The following CD38 variants were observed in gnomAD, a reference collection of about 807,000 sequenced individuals.
CD38 encodes the protein ADP-ribosyl cyclase/cyclic ADP-ribose hydrolase 1.
A neutral mutation model predicts 36.3 loss-of-function variants in CD38; 31 were observed. The observed-to-expected ratio is 0.85, with a 90% confidence interval of 0.64 to 1.15. The LOEUF (loss-of-function observed/expected upper bound fraction) is 1.15. Among genes scored for constraint, CD38 ranks in the 50% most tolerant of loss-of-function variants. CD38 has a pLI of 0.00. For synonymous variants in CD38, 131 were observed against 135.2 expected (o/e 0.97, Z 0.22); for missense variants, 380 against 371.9 (o/e 1.02, Z -0.18).
At chr4:15,828,919 T>TA (rs778426064) in intron 3 of CD38, among the ~76,000 whole-genome samples, 18 of 152,224 alleles carry the variant, frequency 1.2e-4, no homozygotes, top group Non-Finnish European at 2.5e-4. Flanking sequence ...ATGGGTATAC[T>TA]AATTTACTTT....
intron 7 of CD38, among the ~76,000 whole-genome samples, chr4:15,848,259 T>C (rs1724306434): frequency 6.6e-6 from 1 of 152,172 alleles, no homozygotes; most frequent in Admixed American, 6.5e-5. Context: ...TGACCCTGGA[T>C]TCAACATTCC....
At chr4:15,833,642 A>C (rs1026509239) in intron 3 of CD38, among the ~76,000 whole-genome samples, 17 of 152,186 alleles carry the variant, frequency 1.1e-4, no homozygotes, top group African/African-American at 4.1e-4. Flanking sequence ...TACCTCTAAG[A>C]CCTAAAACTC....
At chr4:15,784,162 A>G (rs769059791) in intron 1 of CD38, among the ~76,000 whole-genome samples, 8 of 152,236 alleles carry the variant, frequency 5.3e-5, no homozygotes, top group Non-Finnish European at 1.2e-4. Context: ...GCTGCGCTAG[A>G]TTCTGCAGGG....
At chr4:15,801,502 G>T (rs1203859202) in intron 1 of CD38, among the ~76,000 whole-genome samples, 3 of 151,938 alleles carry the variant, frequency 2.0e-5, no homozygotes, top group Non-Finnish European at 4.4e-5. Flanking sequence ...AAAGAATTTT[G>T]CAGGCCAGTA....
chr4:15,793,413 G>A (rs1723045385), intron 1 of CD38, among the ~76,000 whole-genome samples: 1 of 151,688 alleles, frequency 6.6e-6, no homozygotes, highest in African/African-American at 2.4e-5. Flanking sequence ...GAAAATCTTA[G>A]TTCTCAATGA....
chr4:15,832,576 T>A (rs1723981510), intron 3 of CD38, among the ~76,000 whole-genome samples: 1 of 152,162 alleles, frequency 6.6e-6, no homozygotes, highest in Admixed American at 6.5e-5. Flanking sequence ...CAGAGATTCT[T>A]TTTCTAGTCC....
intron 1 of CD38, among the ~76,000 whole-genome samples, chr4:15,791,191 G>A (rs1336354702): frequency 1.4e-4 from 12 of 88,292 alleles, no homozygotes; most frequent in Non-Finnish European, 2.3e-4. Context: ...TCAGCCCCCC[G>A]CCCGGCCAGC....
intron 1 of CD38, among the ~76,000 whole-genome samples, chr4:15,798,618 G>A (rs1560309550): frequency 1.3e-5 from 2 of 152,238 alleles, no homozygotes; most frequent in Non-Finnish European, 2.9e-5. Flanking sequence ...ATCTTCTGGA[G>A]AGTACGGAAC....
chr4:15,809,653 C>A (rs3775953), intron 1 of CD38, among the ~76,000 whole-genome samples: 66,894 of 151,896 alleles, frequency 0.44, 17,093 homozygotes, highest in African/African-American at 0.72. Context: ...AGCAAATCAC[C>A]GGCACAGAAT....
At chr4:15,798,710 G>A (rs1171098442) in intron 1 of CD38, among the ~76,000 whole-genome samples, 1 of 152,192 alleles carries the variant, frequency 6.6e-6, no homozygotes, top group Non-Finnish European at 1.5e-5. Context: ...TTGGTGTAAA[G>A]TCCTCATTGC....
chr4:15,794,825 A>G (rs1352579131), intron 1 of CD38, among the ~76,000 whole-genome samples: 1 of 152,220 alleles, frequency 6.6e-6, no homozygotes, highest in Non-Finnish European at 1.5e-5. Flanking sequence ...GCACAATTTC[A>G]TTACATTATA....
In CD38 at chr4:15,808,124, G is replaced by A. The variant is rs142674119; in HGVS notation, c.234-8387G>A. 4.5e-3 allele frequency among the ~76,000 whole-genome samples: 687 copies of A among 152,156 alleles called. 6 individuals are homozygous for A. Among genetic ancestry groups the A allele is most frequent in the African/African-American group, 0.016 (656 of 41,474 alleles). ...TGACATTATTTGTAGTGTGATTCTGGGTGTGTTCTGTGATTCTTGTGACTA... is the reference window on the plus strand; with the variant it reads ...TGACATTATTTGTAGTGTGATTCTGAGTGTGTTCTGTGATTCTTGTGACTA... On this transcript the variant is annotated intron_variant, in intron 1 of 7. Transcript: ENST00000226279.
At chr4:15,786,906 G>C (rs903557118) in intron 1 of CD38, among the ~76,000 whole-genome samples, 5 of 152,262 alleles carry the variant, frequency 3.3e-5, no homozygotes, top group African/African-American at 1.2e-4. Context: ...GGCCCAGCAA[G>C]AATTGGAGCG....
chr4:15,798,206 G>A (rs1249249044), intron 1 of CD38, among the ~76,000 whole-genome samples: 2 of 152,174 alleles, frequency 1.3e-5, no homozygotes, highest in South Asian at 2.1e-4. Flanking sequence ...ACTTTAAAAT[G>A]TTGTTGACAC....
chr4:15,838,314 G>A, intron 5 of CD38, 149 bp downstream of exon 5: 1 of 657,302 alleles, frequency 1.5e-6, no homozygotes, highest in East Asian at 2.7e-5. Flanking sequence ...ATTCCGTGGA[G>A]AGAGTTGTCT....
rs3216860 is a variant in CD38, at chr4:15,778,862, C to CG, written c.233+224dup. Among the ~76,000 whole-genome samples the CG allele has an allele frequency of 0.24, 34,459 of 146,444 alleles. 4,077 individuals are homozygous for CG. The highest frequency in any genetic ancestry group is 0.27 in the South Asian group (1,203 of 4,518). On this transcript the variant is annotated intron_variant, in intron 1 of 7. Transcript: ENST00000226279. This position sits in a 1 kb window ranked among gnomAD's most constrained non-coding sequence, Gnocchi z 4.9. ...TGGCACCGAGCGTGCCCGCGGGAGGCGGGGGGGGGCGCTGCTCGGTGGCTC... is the reference window on the plus strand; with the variant it reads ...TGGCACCGAGCGTGCCCGCGGGAGGCGGGGGGGGGGCGCTGCTCGGTGGCTC...
intron 1 of CD38, among the ~76,000 whole-genome samples, chr4:15,811,086 G>A (rs536004436): frequency 2.6e-5 from 4 of 152,082 alleles, no homozygotes; most frequent in Non-Finnish European, 5.9e-5. Flanking sequence ...GAAAAAATGT[G>A]TATAAAATTA....
At chr4:15,841,013 GTCTACCAAAA>G (rs570296871) in intron 7 of CD38, among the ~76,000 whole-genome samples, 8 of 151,912 alleles carry the variant, frequency 5.3e-5, no homozygotes, top group Admixed American at 1.3e-4. Flanking sequence ...TCACACGGCA[GTCTACCAAAA>G]TCTATATTTT....
intron 1 of CD38, among the ~76,000 whole-genome samples, chr4:15,791,272 C>G (rs1429723942): frequency 1.8e-5 from 1 of 56,754 alleles, no homozygotes. Context: ...CCCCTCTGCC[C>G]GGCCAGCCAC....
Sources: allele counts gnomAD v4.1 joint callset (sites outside exome capture counted in the v4.1 genomes callset), GRCh38; gene constraint gnomAD v4.1.1; non-coding constraint Gnocchi (gnomAD v3.1); transcripts MANE v1.5; gene names NCBI Gene and HGNC (gene_info 2026-07-23, HGNC 2026-07-21).